ACVR2B: variants seen among roughly 807,000 people sequenced by gnomAD.
ACVR2B encodes activin receptor type-2B.
ACVR2B carries 18 observed loss-of-function variants against 65.1 expected under a neutral mutation model. The ratio of observed to expected loss-of-function variants is 0.28; its 90% CI spans 0.19 to 0.41. The LOEUF is 0.41. ACVR2B is among the 10% of genes least tolerant of loss of function. The probability of loss-of-function intolerance (pLI) is 1.00; values close to 1 mark genes in which losing one functional copy is unlikely to be tolerated. For synonymous variants in ACVR2B, 298 were observed against 277.7 expected (o/e 1.07, Z -0.73); for missense variants, 482 against 682.7 (o/e 0.71, Z 3.28).
intron 1 of ACVR2B, chr3:38,473,378 G>A (rs1673276545): frequency 1.3e-5 from 2 of 152,442 alleles, no homozygotes; most frequent in South Asian, 4.1e-4. Context: ...GAGTGGGCTG[G>A]GGGTCAAGGG....
At chr3:38,473,315 A>G (rs1416577229) in intron 1 of ACVR2B, 7 of 152,278 alleles carry the variant, frequency 4.6e-5, no homozygotes, top group African/African-American at 1.7e-4. Context: ...CTAAGGGGGT[A>G]CCATAAGCAC....
At chr3:38,479,971 C>G in intron 7 of ACVR2B, 145 bp downstream of exon 7, 1 of 1,146,656 alleles carries the variant, frequency 8.7e-7, no homozygotes, top group Non-Finnish European at 1.2e-6. Context: ...GGGCACAAAA[C>G]CTGGCCTTCC....
intron 3 of ACVR2B, 85 bp from the exon 4 acceptor site, chr3:38,478,056 G>A (rs1709943656): frequency 6.3e-6 from 10 of 1,595,338 alleles, no homozygotes; most frequent in African/African-American, 2.7e-5. Context: ...AGTTGGGTGG[G>A]GTGTGGCTAC....
At chr3:38,463,529 G>A (rs1240620200) in intron 1 of ACVR2B, among the ~76,000 whole-genome samples, 1 of 152,180 alleles carries the variant, frequency 6.6e-6, no homozygotes, top group African/African-American at 2.4e-5. Flanking sequence ...GAAGACTTAG[G>A]GAAGATAGTT....
Position 38,481,323 on chromosome 3 carries a change from C to CT in ACVR2B, c.960-25dup, listed in dbSNP as rs1710014190. On this transcript the variant is annotated intron_variant, in intron 7 of 10. Transcript: ENST00000352511. This position sits in a 1 kb window ranked among gnomAD's most constrained non-coding sequence, Gnocchi z 4.7. ...GTGGGAGTTGGATCATGATGTTAAG[C>CT]TTTATCTCTGCCCACTTGTTTCCAC... The CT allele has an allele frequency of 6.3e-7, 1 of 1,575,844 alleles. No individual in the cohort carries two copies. The highest frequency in any genetic ancestry group is 1.3e-5 in the African/African-American group (1 of 74,254).
intron 1 of ACVR2B, among the ~76,000 whole-genome samples, chr3:38,471,592 G>T (rs1575583933): frequency 6.6e-6 from 1 of 152,218 alleles, no homozygotes; most frequent in African/African-American, 2.4e-5. Flanking sequence ...TCCAGTAGGT[G>T]AGTGGATACT....
chr3:38,477,269 C>T lies in ACVR2B; in HGVS notation c.53-18C>T. 2 of 1,613,760 alleles carry T rather than the reference C, an allele frequency of 1.2e-6. No individual in the cohort carries two copies. Among genetic ancestry groups the T allele is most frequent in the Non-Finnish European group, 1.7e-6 (2 of 1,179,820 alleles). ...TCCCAGGGGCATGCTCAGTGGTTCT[C>T]TTTTCTCTGGGGCACAGGCTCTGGG... On this transcript the variant is annotated intron_variant, in intron 1 of 10. Transcript: ENST00000352511. This position sits in a 1 kb window ranked among gnomAD's most constrained non-coding sequence, Gnocchi z 6.7.
rs2059821312 is a variant in ACVR2B, at chr3:38,492,773, CA to C, written c.*9442del. 2 of 118,546 alleles carry C rather than the reference CA, an allele frequency of 1.7e-5. No individual in the cohort carries two copies. Among genetic ancestry groups the C allele is most frequent in the Non-Finnish European group, 3.8e-5 (2 of 52,436 alleles). The allele number at this position is 118,546 out of a possible 1,614,324, so 7.3% of individuals were successfully genotyped here. A position where few individuals can be genotyped will look rare whatever the true frequency, so the allele number is the denominator to read the frequency against. On this transcript the variant is annotated 3_prime_UTR_variant, in exon 11 of 11. Coordinates refer to ENST00000352511, the MANE Select transcript of ACVR2B (RefSeq NM_001106.4). ...ACACACACACACACACACACACACA[CA>C]CACACACACACACACACACACACAC...
At chr3:38,459,119 G>A (rs1709597393) in intron 1 of ACVR2B, among the ~76,000 whole-genome samples, 1 of 152,200 alleles carries the variant, frequency 6.6e-6, no homozygotes, top group African/African-American at 2.4e-5. Context: ...GTTGTAAGAA[G>A]TAGGGGTAAC....
rs1409534047 is a variant in ACVR2B, at chr3:38,454,367, G to A, written c.45G>A (p.Leu15=). 3.1e-5 allele frequency: 40 copies of A among 1,276,920 alleles called. No individual in the cohort carries two copies. The highest frequency in any genetic ancestry group is 6.2e-5 in the African/African-American group (4 of 64,602). The allele number at this position is 1,276,920 out of a possible 1,614,324, so 79.1% of individuals were successfully genotyped here. ...WVALALLWGS[L]CAGSGRGEAE... ...CCCTCGCCCTCCTCTGGGGATCGCTGTGCGCCGGTAAGAACTGGGCGCGGC... is the reference window on the plus strand; with the variant it reads ...CCCTCGCCCTCCTCTGGGGATCGCTATGCGCCGGTAAGAACTGGGCGCGGC... Residue 15 remains leucine, a synonymous_variant, in exon 1 of 11, where the codon CTG becomes CTA. Coordinates refer to ENST00000352511, the MANE Select transcript of ACVR2B (RefSeq NM_001106.4).
chr3:38,479,046 G>A (rs1481142032), intron 5 of ACVR2B, 82 bp from the exon 6 acceptor site: 3 of 1,580,652 alleles, frequency 1.9e-6, no homozygotes, highest in Non-Finnish European at 2.6e-6. Context: ...AATGGGGAAT[G>A]GTTGTTCTGC....
At position 38,492,557 on chromosome 3, in the gene ACVR2B, C is replaced by T. The variant is rs1294611181; in HGVS notation, c.*9225C>T. On this transcript the variant is annotated 3_prime_UTR_variant, in exon 11 of 11. Coordinates refer to ENST00000352511, the MANE Select transcript of ACVR2B (RefSeq NM_001106.4). ...GTAAATGTAGTAGGTCACTTTTCAC[C>T]CTTGTAGCTATAAAATAAAAATTTT... 1 of 151,518 alleles carries T rather than the reference C, an allele frequency of 6.6e-6. No individual in the cohort carries two copies. Among genetic ancestry groups the T allele is most frequent in the African/African-American group, 2.4e-5 (1 of 41,158 alleles). The allele number at this position is 151,518 out of a possible 1,614,324, so 9.4% of individuals were successfully genotyped here.
At chr3:38,472,274 C>T (rs1392030900) in intron 1 of ACVR2B, among the ~76,000 whole-genome samples, 2 of 152,096 alleles carry the variant, frequency 1.3e-5, no homozygotes, top group Non-Finnish European at 2.9e-5. Context: ...TGCTCTTGGC[C>T]CTCCTTCGCT....
chr3:38,466,861 A>G (rs1047520659), intron 1 of ACVR2B, among the ~76,000 whole-genome samples: 1 of 152,226 alleles, frequency 6.6e-6, no homozygotes, highest in Admixed American at 6.5e-5. Flanking sequence ...AGGCAGAAGG[A>G]AAATAAATCC....
chr3:38,471,039 T>C (rs2125718094), intron 1 of ACVR2B, among the ~76,000 whole-genome samples: 1 of 152,250 alleles, frequency 6.6e-6, no homozygotes, highest in Admixed American at 6.5e-5. Flanking sequence ...AGAGAAAGAT[T>C]TTTTGTTTAA....
chr3:38,467,553 C>A (rs115284765), intron 1 of ACVR2B, among the ~76,000 whole-genome samples: 2,582 of 151,550 alleles, frequency 0.017, 80 homozygotes, highest in African/African-American at 0.058. Context: ...GAGTTTGAGA[C>A]CATCTTAGGC....
At chr3:38,460,435 GTACTGGAAATCAA>G (rs1709624879) in intron 1 of ACVR2B, among the ~76,000 whole-genome samples, 1 of 152,178 alleles carries the variant, frequency 6.6e-6, no homozygotes. Flanking sequence ...GCAGTGGTAG[GTACTGGAAATCAA>G]TGGATAAAGC....
chr3:38,486,414 G>C lies in ACVR2B; in HGVS notation c.*3082G>C, dbSNP rs1302446473. The C allele has an allele frequency of 6.6e-5, 10 of 152,270 alleles. No individual in the cohort carries two copies. The highest frequency in any genetic ancestry group is 2.2e-4 in the African/African-American group (9 of 41,428). The allele number at this position is 152,270 out of a possible 1,614,324, so 9.4% of individuals were successfully genotyped here. A position where few individuals can be genotyped will look rare whatever the true frequency, so the allele number is the denominator to read the frequency against. Reference sequence around the variant, plus strand: ...GAGCACAGATGGGCCTTTTGCCCCGGGTAAATGCTTGTCTGTTTGCTGTCA... The same window carrying C: ...GAGCACAGATGGGCCTTTTGCCCCGCGTAAATGCTTGTCTGTTTGCTGTCA... On this transcript the variant is annotated 3_prime_UTR_variant, in exon 11 of 11. Transcript: ENST00000352511.
chr3:38,474,853 A>G (rs1214054114), intron 1 of ACVR2B: 1 of 152,272 alleles, frequency 6.6e-6, no homozygotes, highest in Non-Finnish European at 1.5e-5. Flanking sequence ...AAGGTGGGTA[A>G]CCTTACGGCC....
Sources: gnomAD v4.1 joint callset for allele counts (sites outside exome capture counted in the v4.1 genomes callset) on GRCh38, gnomAD v4.1.1 for gene constraint, Gnocchi (gnomAD v3.1) non-coding constraint, MANE v1.5 for transcripts, NCBI Gene and HGNC (gene_info 2026-07-23, HGNC 2026-07-21) for gene names.